Variants in KIF3C observed in about 807,000 individuals in gnomAD.
KIF3C encodes kinesin-like protein KIF3C.
KIF3C carries 12 observed loss-of-function variants against 67.7 expected under a neutral mutation model. The observed-to-expected ratio is 0.18, with a 90% confidence interval of 0.11 to 0.29. The LOEUF (loss-of-function observed/expected upper bound fraction) is 0.29, where lower values mean the gene tolerates loss of function less well. Among genes scored for constraint, KIF3C ranks in the 10% least tolerant of loss-of-function variants. KIF3C has a pLI of 1.00. For synonymous variants in KIF3C, 393 were observed against 426.2 expected (o/e 0.92, Z 0.96); for missense variants, 789 against 1,059.6 (o/e 0.74, Z 3.55).
chr2:25,949,693 G>A (rs1340984284), intron 5 of KIF3C, among the ~76,000 whole-genome samples: 2 of 152,108 alleles, frequency 1.3e-5, no homozygotes, highest in African/African-American at 4.8e-5. Context: ...TCTAAGGACT[G>A]GTGCAGTGGC....
chr2:25,953,344 T>A (rs1327419297), intron 4 of KIF3C, among the ~76,000 whole-genome samples: 1 of 152,110 alleles, frequency 6.6e-6, no homozygotes, highest in East Asian at 1.9e-4. Context: ...TTTAAAATAA[T>A]TTTTAAAACA....
At position 25,948,668 on chromosome 2, in the gene KIF3C, AAG is replaced by A. The variant is rs1283680920; in HGVS notation, c.2006+3119_2006+3120del. Reference sequence around the variant, plus strand: ...AGAAAGAGAGAAAGAGAAAGAGAGAAAGAGAGAGAGAAAGAAAGAAAGGAAGG... The same window carrying A: ...AGAAAGAGAGAAAGAGAAAGAGAGAAAGAGAGAGAAAGAAAGAAAGGAAGG... On this transcript the variant is annotated intron_variant, in intron 5 of 7. Coordinates refer to ENST00000264712, the MANE Select transcript of KIF3C (RefSeq NM_002254.8). 9.7e-4 allele frequency among the ~76,000 whole-genome samples: 145 copies of A among 149,292 alleles called. 1 individual carries two copies. The highest frequency in any genetic ancestry group is 3.2e-3 in the African/African-American group (129 of 40,618).
At chr2:25,931,039 C>T (rs2149220975) in intron 5 of KIF3C, among the ~76,000 whole-genome samples, 1 of 152,066 alleles carries the variant, frequency 6.6e-6, no homozygotes, top group Non-Finnish European at 1.5e-5. Flanking sequence ...ATGTACCCCA[C>T]AAACATATAC....
At chr2:25,934,049 AG>A (rs1224876416) in intron 5 of KIF3C, 3 of 446,680 alleles carry the variant, frequency 6.7e-6, no homozygotes, top group African/African-American at 6.1e-5. Flanking sequence ...AAAGGAATGA[AG>A]TACTGATGAG....
chr2:25,933,571 A>AGGCTGAGGTGGGAGGATC, intron 5 of KIF3C, among the ~76,000 whole-genome samples: 1 of 151,774 alleles, frequency 6.6e-6, no homozygotes, highest in South Asian at 2.1e-4. Context: ...GCTACTCGAG[A>AGGCTGAGGTGGGAGGATC]GGCTGAGGTG....
chr2:25,951,448 G>T, intron 5 of KIF3C: 2 of 253,354 alleles, frequency 7.9e-6, no homozygotes, highest in Non-Finnish European at 1.6e-5. Context: ...TTGCTATTTC[G>T]GGCATCTGAC....
intron 1 of KIF3C, among the ~76,000 whole-genome samples, chr2:25,964,155 G>C (rs1230762183): frequency 1.3e-5 from 2 of 152,008 alleles, no homozygotes; most frequent in African/African-American, 4.8e-5. Context: ...TAAAAAGACA[G>C]AAATTAGCTG....
intron 5 of KIF3C, among the ~76,000 whole-genome samples, chr2:25,950,206 C>CCTTTT (rs1050733934): frequency 3.4e-5 from 5 of 147,134 alleles, no homozygotes; most frequent in South Asian, 4.4e-4. Context: ...AGCAGAAAGA[C>CCTTTT]CTTTTCTTTT....
intron 5 of KIF3C, chr2:25,951,534 C>T (rs1440598060): frequency 2.3e-6 from 1 of 428,314 alleles, no homozygotes; most frequent in Admixed American, 4.1e-5. Context: ...CTCTTCCTCC[C>T]TCCCGAGATC....
chr2:25,963,288 C>T (rs1444668125), intron 1 of KIF3C, among the ~76,000 whole-genome samples: 3 of 140,222 alleles, frequency 2.1e-5, no homozygotes, highest in Non-Finnish European at 4.6e-5. Flanking sequence ...TCACTGAAAC[C>T]TCCCGCCTCC....
At chr2:25,934,376 C>T (rs952297857) in intron 5 of KIF3C, among the ~76,000 whole-genome samples, 2 of 151,766 alleles carry the variant, frequency 1.3e-5, no homozygotes, top group Admixed American at 1.3e-4. Flanking sequence ...GTCAGGAGTT[C>T]GAGACCAGCG....
rs541107528 is a variant in KIF3C at position 25,927,421 on chromosome 2, C to T, written c.*1557G>A. On this transcript the variant is annotated 3_prime_UTR_variant, in exon 8 of 8. Coordinates refer to ENST00000264712, the MANE Select transcript of KIF3C (RefSeq NM_002254.8). ...TTGTGATTTCCTGGAAGGACAGGAG[C>T]AAATGGCAAGTGGGTGGCTCAACCC... 6 of 152,340 alleles carry T rather than the reference C, an allele frequency of 3.9e-5. No individual in the cohort carries two copies. In the East Asian group the frequency reaches 9.6e-4, roughly 24 times the overall value. 9.4% of individuals were successfully genotyped at this position (152,340 alleles called of 1,614,324 possible).
In KIF3C at chr2:25,928,567, G is replaced by A. The variant is rs1161416706; in HGVS notation, c.*411C>T. ...TGCTCAGGGGCTGCTCGCCATCAGT[G>A]TGGGAGAAGATGGAGGTTATGGAGT... On this transcript the variant is annotated 3_prime_UTR_variant, in exon 8 of 8. Transcript: ENST00000264712. 1 of 160,156 alleles carries A rather than the reference G, an allele frequency of 6.2e-6. No homozygotes were observed. Among genetic ancestry groups the A allele is most frequent in the Non-Finnish European group, 1.4e-5 (1 of 72,834 alleles). The allele number at this position is 160,156 out of a possible 1,614,324, so 9.9% of individuals were successfully genotyped here. A position where few individuals can be genotyped will look rare whatever the true frequency, so the allele number is the denominator to read the frequency against.
intron 5 of KIF3C, among the ~76,000 whole-genome samples, chr2:25,941,196 C>T (rs549779286): frequency 1.1e-4 from 16 of 152,034 alleles, no homozygotes; most frequent in South Asian, 2.1e-4. Context: ...CTAAGCTACT[C>T]GGGAAGTTGA....
At chr2:25,970,965 GAA>G (rs970182694) in intron 1 of KIF3C, among the ~76,000 whole-genome samples, 7 of 49,336 alleles carry the variant, frequency 1.4e-4, no homozygotes, top group East Asian at 6.0e-4. Flanking sequence ...CTCTATGAAG[GAA>G]AAAAAAAAAA....
chr2:25,965,136 A>G (rs891777027), intron 1 of KIF3C, among the ~76,000 whole-genome samples: 1 of 152,156 alleles, frequency 6.6e-6, no homozygotes, highest in African/African-American at 2.4e-5. Flanking sequence ...CTGAATGTCA[A>G]CTGAATTTGC....
chr2:25,949,236 C>G (rs765116311), intron 5 of KIF3C, among the ~76,000 whole-genome samples: 5 of 152,088 alleles, frequency 3.3e-5, no homozygotes, highest in African/African-American at 7.2e-5. Flanking sequence ...GAAGGGTATA[C>G]GAGAATTCTT....
intron 5 of KIF3C, among the ~76,000 whole-genome samples, chr2:25,942,894 T>C (rs1663332144): frequency 6.6e-6 from 1 of 152,144 alleles, no homozygotes; most frequent in African/African-American, 2.4e-5. Context: ...AACTCCTTGT[T>C]TGAGAGAGAG....
In KIF3C at chr2:25,934,070, A is replaced by G. The variant is rs1161591524; in HGVS notation, c.2007-4007T>C. On this transcript the variant is annotated intron_variant, in intron 5 of 7. Transcript: ENST00000264712. ...ATGAAGTACTGATGAGTGTTCCAAC[A>G]TGGACGAACCTTGAAAACATTTTGC... 1.1e-5 allele frequency: 5 copies of G among 466,326 alleles called. 1 individual carries two copies. Among genetic ancestry groups the G allele is most frequent in the Admixed American group, 9.5e-5 (4 of 41,946 alleles). The allele number at this position is 466,326 out of a possible 1,614,324, so 28.9% of individuals were successfully genotyped here. A position where few individuals can be genotyped will look rare whatever the true frequency, so the allele number is the denominator to read the frequency against.
Sources: allele counts gnomAD v4.1 joint callset (sites outside exome capture counted in the v4.1 genomes callset), GRCh38; gene constraint gnomAD v4.1.1; transcripts MANE v1.5; gene names NCBI Gene and HGNC (gene_info 2026-07-23, HGNC 2026-07-21).